The following PGAP4 variants were observed in gnomAD, a reference collection of about 807,000 sequenced individuals.
PGAP4 encodes the protein post-GPI attachment to proteins GalNAc transferase 4, also known as GPI-N-acetylgalactosamine transferase PGAP4.
Under a neutral mutation model 28.2 loss-of-function variants are expected in PGAP4, and 12 were observed. The observed-to-expected ratio is 0.42, with a 90% CI of 0.27 to 0.69. PGAP4 has a LOEUF of 0.69. Ranked by LOEUF, PGAP4 falls within the 30% of genes least tolerant of loss-of-function variation. The pLI is 0.22. For missense variants in PGAP4, 425 were observed against 513.5 expected (o/e 0.83, Z 1.67); for synonymous variants, 205 against 211.8 (o/e 0.97, Z 0.28).
intron 1 of PGAP4, chr9:101,480,833 T>A (rs1826464838): frequency 2.0e-5 from 3 of 152,268 alleles, no homozygotes; most frequent in Admixed American, 1.3e-4. Context: ...CAGTAGCCTG[T>A]GGTGTCCAAT....
Position 101,476,064 on chromosome 9 carries a change from C to T in PGAP4, c.1029G>A (p.Ala343=), listed in dbSNP as rs773460077. 1.1e-5 allele frequency: 17 copies of T among 1,614,120 alleles called. No homozygotes were observed. Among genetic ancestry groups the T allele is most frequent in the Middle Eastern group, 1.6e-4 (1 of 6,062 alleles). The change falls in exon 2 of 2, where the codon GCG becomes GCA. Residue 343 remains alanine, a synonymous_variant. Coordinates refer to ENST00000374848, the MANE Select transcript of PGAP4 (RefSeq NM_032342.3). The surrounding 1 kb of genome is among the most constrained non-coding windows in gnomAD (Gnocchi z 7.0). ...ACAGGTAGGTGAGGGTCCGGCGGGC[C>T]GCAGGTGCCGGGAAGAGCATGGCTG... ...CTPAMLFPAP[A]ARRTLTYLSQ... is the part of the protein sequence containing the mutation.
intron 2 of PGAP4, among the ~76,000 whole-genome samples, chr9:101,530,306 C>T (rs977174087): frequency 1.3e-5 from 2 of 152,090 alleles, no homozygotes. Context: ...CACCTTGTGG[C>T]AGAATTGGGT....
chr9:101,506,092 A>T (rs1341589189), intron 2 of PGAP4, among the ~76,000 whole-genome samples: 12 of 152,162 alleles, frequency 7.9e-5, no homozygotes, highest in African/African-American at 2.7e-4. Flanking sequence ...ACATTGGAAT[A>T]GGAACTGCCC....
intron 2 of PGAP4, among the ~76,000 whole-genome samples, chr9:101,514,685 A>C (rs538940652): frequency 6.6e-6 from 1 of 152,192 alleles, no homozygotes; most frequent in South Asian, 2.1e-4. Context: ...AGAACAGAGG[A>C]GTTGGGTTGG....
chr9:101,492,257 G>T (rs183656034), intron 2 of PGAP4, among the ~76,000 whole-genome samples: 1 of 151,620 alleles, frequency 6.6e-6, no homozygotes, highest in African/African-American at 2.4e-5. Context: ...GCAGTGGCAC[G>T]ATCTCGGCTC....
intron 2 of PGAP4, among the ~76,000 whole-genome samples, chr9:101,518,443 C>T (rs923389685): frequency 6.6e-6 from 1 of 152,146 alleles, no homozygotes; most frequent in Admixed American, 6.5e-5. Flanking sequence ...CCATTCTTCC[C>T]CCCAAGTCCC....
intron 2 of PGAP4, among the ~76,000 whole-genome samples, chr9:101,515,074 C>G (rs1424590571): frequency 6.6e-6 from 1 of 152,168 alleles, no homozygotes; most frequent in Non-Finnish European, 1.5e-5. Flanking sequence ...CAAATCACTA[C>G]AGATTCAAAA....
At chr9:101,484,733 GA>G (rs1160676444) in intron 1 of PGAP4, among the ~76,000 whole-genome samples, 3 of 152,200 alleles carry the variant, frequency 2.0e-5, no homozygotes, top group African/African-American at 7.2e-5. Flanking sequence ...AGAATTTTGA[GA>G]GATAAATGTG....
chr9:101,498,608 T>C (rs1826772141), intron 2 of PGAP4, among the ~76,000 whole-genome samples: 1 of 151,174 alleles, frequency 6.6e-6, no homozygotes, highest in South Asian at 2.1e-4. Flanking sequence ...AAGAAAAAAA[T>C]AGAGAGACAT....
At chr9:101,533,235 T>G (rs1827123977) in exon 1 of PGAP4, 1 of 152,222 alleles carries the variant, frequency 6.6e-6, no homozygotes, top group South Asian at 2.1e-4. Context: ...TGCTTACGCA[T>G]TAGAATCTAG....
At chr9:101,492,522 T>A (rs1052447240) in intron 2 of PGAP4, among the ~76,000 whole-genome samples, 4 of 152,172 alleles carry the variant, frequency 2.6e-5, no homozygotes, top group Non-Finnish European at 5.9e-5. Context: ...TTTGCACATC[T>A]AATAAATTTG....
chr9:101,492,905 G>A (rs375948379), intron 2 of PGAP4, among the ~76,000 whole-genome samples: 1 of 152,188 alleles, frequency 6.6e-6, no homozygotes, highest in South Asian at 2.1e-4. Flanking sequence ...GATACCTCAA[G>A]CAAGTAAGGC....
chr9:101,510,737 A>G (rs1826890012), intron 2 of PGAP4, among the ~76,000 whole-genome samples: 1 of 152,146 alleles, frequency 6.6e-6, no homozygotes, highest in Admixed American at 6.6e-5. Flanking sequence ...TGACTGTGAC[A>G]AGTACACAAT....
At chr9:101,495,389 G>T (rs10989538) in intron 2 of PGAP4, among the ~76,000 whole-genome samples, 2 of 16,402 alleles carry the variant, frequency 1.2e-4, no homozygotes, top group African/African-American at 2.8e-4. Context: ...TATATTATAT[G>T]TGCTTATATT....
At chr9:101,505,076 A>AGC (rs1826838530) in intron 2 of PGAP4, among the ~76,000 whole-genome samples, 1 of 152,096 alleles carries the variant, frequency 6.6e-6, no homozygotes, top group Non-Finnish European at 1.5e-5. Flanking sequence ...CTTTTATCTC[A>AGC]GCTCTGAGAG....
intron 2 of PGAP4, among the ~76,000 whole-genome samples, chr9:101,520,119 C>T (rs1338198796): frequency 6.6e-6 from 1 of 152,026 alleles, no homozygotes; most frequent in Non-Finnish European, 1.5e-5. Flanking sequence ...GTGACTATGG[C>T]CTTATAGTTT....
intron 2 of PGAP4, chr9:101,531,102 A>G (rs1827084860): frequency 6.6e-6 from 1 of 151,810 alleles, no homozygotes; most frequent in African/African-American, 2.4e-5. Flanking sequence ...CCAGGTTGCA[A>G]ACCTGCCTTG....
At chr9:101,495,043 C>A (rs1826727066) in intron 2 of PGAP4, among the ~76,000 whole-genome samples, 1 of 141,546 alleles carries the variant, frequency 7.1e-6, no homozygotes, top group Admixed American at 7.7e-5. Flanking sequence ...AATACCATAT[C>A]CCTAAATGTA....
intron 2 of PGAP4, among the ~76,000 whole-genome samples, chr9:101,499,877 T>A (rs1025488416): frequency 6.6e-6 from 1 of 152,094 alleles, no homozygotes; most frequent in Admixed American, 6.6e-5. Flanking sequence ...CCTTTATCTC[T>A]AACTACCTCC....
Sources: gnomAD v4.1 joint callset for allele counts (sites outside exome capture counted in the v4.1 genomes callset) on GRCh38, gnomAD v4.1.1 for gene constraint, Gnocchi (gnomAD v3.1) non-coding constraint, MANE v1.5 for transcripts, NCBI Gene and HGNC (gene_info 2026-07-23, HGNC 2026-07-21) for gene names.